RXFP1: variants seen among roughly 807,000 people sequenced by gnomAD.
RXFP1 encodes the protein relaxin family peptide receptor 1.
Under a neutral mutation model 89.8 loss-of-function variants are expected in RXFP1, and 73 were observed. That is an observed-to-expected ratio of 0.81 (90% confidence interval 0.67 to 0.99). The LOEUF (loss-of-function observed/expected upper bound fraction) is 0.99. Among genes scored for constraint, RXFP1 ranks in the 50% least tolerant of loss-of-function variants. The pLI, the probability that RXFP1 is intolerant of heterozygous loss-of-function variation, is 0.00. For synonymous variants in RXFP1, 277 were observed against 305.5 expected (o/e 0.91, Z 0.97); for missense variants, 793 against 895.5 (o/e 0.89, Z 1.46).
At chr4:158,584,453 G>A (rs556925627) in intron 2 of RXFP1, among the ~76,000 whole-genome samples, 1 of 151,778 alleles carries the variant, frequency 6.6e-6, no homozygotes, top group Non-Finnish European at 1.5e-5. Flanking sequence ...AAAAAGAAAG[G>A]CTCCACTTTG....
intron 2 of RXFP1, among the ~76,000 whole-genome samples, chr4:158,590,257 C>G (rs971586083): frequency 6.6e-6 from 1 of 152,094 alleles, no homozygotes; most frequent in African/African-American, 2.4e-5. Context: ...CTCTGCCCCA[C>G]AAGTTCAAGC....
At chr4:158,549,060 C>T (rs1233040601) in intron 1 of RXFP1, among the ~76,000 whole-genome samples, 3 of 151,802 alleles carry the variant, frequency 2.0e-5, no homozygotes, top group Admixed American at 6.6e-5. Flanking sequence ...CAACTTGGTT[C>T]CATTCTCCCC....
intron 8 of RXFP1, among the ~76,000 whole-genome samples, chr4:158,615,485 G>T (rs528601639): frequency 6.6e-6 from 1 of 151,652 alleles, no homozygotes; most frequent in Non-Finnish European, 1.5e-5. Context: ...GCAGTGAGCC[G>T]AGATTGCACC....
At chr4:158,649,100 CA>C (rs11295815) in intron 17 of RXFP1, among the ~76,000 whole-genome samples, 134,290 of 149,530 alleles carry the variant, frequency 0.9, 61,852 homozygotes, top group East Asian at 1. Flanking sequence ...GTGACAGAGC[CA>C]AAAAAAAAAA....
rs147254379 is a variant in RXFP1 at position 158,598,880 on chromosome 4, T to A, written c.287-446T>A. On this transcript the variant is annotated intron_variant, in intron 3 of 17. Transcript: ENST00000307765. ...CTTTAGTTCTCCTCGTTCTTGCTAG[T>A]TAAAAGTGATTTATTCCTCCTTTAA... 2.5e-3 allele frequency among the ~76,000 whole-genome samples: 377 copies of A among 152,134 alleles called. 4 individuals carry two copies. The highest frequency in any genetic ancestry group is 8.3e-3 in the African/African-American group (345 of 41,530).
At chr4:158,568,189 T>C (rs1007399539) in intron 1 of RXFP1, among the ~76,000 whole-genome samples, 1 of 152,188 alleles carries the variant, frequency 6.6e-6, no homozygotes, top group African/African-American at 2.4e-5. Context: ...ATCAGAACTC[T>C]AGACTCGCTG....
intron 2 of RXFP1, among the ~76,000 whole-genome samples, chr4:158,576,604 G>A (rs936665509): frequency 8.5e-5 from 13 of 152,078 alleles, no homozygotes; most frequent in African/African-American, 3.1e-4. Flanking sequence ...ATGCAAAATG[G>A]TAGCAACAGC....
At chr4:158,633,533 G>A in intron 12 of RXFP1, 57 bp downstream of exon 12, 2 of 1,092,384 alleles carry the variant, frequency 1.8e-6, no homozygotes, top group Non-Finnish European at 2.7e-6. Flanking sequence ...TTTTTAAATT[G>A]TAAAATATGC....
At chr4:158,568,815 G>A (rs1247476495) in intron 1 of RXFP1, among the ~76,000 whole-genome samples, 1 of 152,158 alleles carries the variant, frequency 6.6e-6, no homozygotes, top group Non-Finnish European at 1.5e-5. Context: ...CTGTTATTAA[G>A]AAGTCCCGCT....
chr4:158,651,099 G>A (rs1377115853), intron 17 of RXFP1, among the ~76,000 whole-genome samples: 1 of 152,180 alleles, frequency 6.6e-6, no homozygotes, highest in East Asian at 1.9e-4. Context: ...ACTCCAGCCT[G>A]AGCGACAGCA....
chr4:158,626,843 A>T lies in RXFP1; in HGVS notation c.779A>T (p.His260Leu), dbSNP rs768536312. 5 of 1,568,486 alleles carry T rather than the reference A, an allele frequency of 3.2e-6. No homozygotes were observed. The highest frequency in any genetic ancestry group is 3.6e-5 in the Admixed American group (2 of 55,992). Residue 260 changes from histidine (H) to leucine (L), a missense_variant, in exon 10 of 18, where the codon CAT (histidine) becomes CTT (leucine). Transcript: ENST00000307765. Reference sequence around the variant, plus strand: ...AGGGACCTTGAAGGCAACCATATCCATAATTTAAGAAATTTGACTTTTATT... The same window carrying T: ...AGGGACCTTGAAGGCAACCATATCCTTAATTTAAGAAATTTGACTTTTATT... ...HWLDLEGNHI[H>L]NLRNLTFISC... is the part of the protein sequence containing the mutation.
At chr4:158,615,856 A>G (rs1764462206) in intron 8 of RXFP1, among the ~76,000 whole-genome samples, 1 of 151,594 alleles carries the variant, frequency 6.6e-6, no homozygotes, top group South Asian at 2.1e-4. Context: ...GGGGGCTGAG[A>G]CAGGAGAATC....
intron 9 of RXFP1, among the ~76,000 whole-genome samples, chr4:158,626,575 G>A (rs1404392240): frequency 1.3e-5 from 2 of 151,864 alleles, no homozygotes; most frequent in African/African-American, 2.4e-5. Context: ...TCATATACAT[G>A]CCCGTATGCA....
intron 1 of RXFP1, among the ~76,000 whole-genome samples, chr4:158,559,543 A>G (rs1752003071): frequency 1.3e-5 from 2 of 152,148 alleles, no homozygotes; most frequent in Non-Finnish European, 2.9e-5. Context: ...TTTTTCCCCT[A>G]TACCAGGAAT....
intron 2 of RXFP1, among the ~76,000 whole-genome samples, chr4:158,585,725 T>C (rs953289391): frequency 1.3e-5 from 2 of 152,008 alleles, no homozygotes; most frequent in Non-Finnish European, 2.9e-5. Context: ...TATACAAAAA[T>C]ACATAGGTAA....
Position 158,614,053 on chromosome 4 carries a change from T to C in RXFP1, c.680+1691T>C, listed in dbSNP as rs547409463. On this transcript the variant is annotated intron_variant, in intron 8 of 17. Coordinates refer to ENST00000307765, the MANE Select transcript of RXFP1 (RefSeq NM_021634.4). ...TGCATTGCCAGTGAGCAGTGTATCTTGAAAGGAAATCTTTTTTTTCTGAGC... is the reference window on the plus strand; with the variant it reads ...TGCATTGCCAGTGAGCAGTGTATCTCGAAAGGAAATCTTTTTTTTCTGAGC... 8.5e-5 allele frequency among the ~76,000 whole-genome samples: 13 copies of C among 152,328 alleles called. No individual in the cohort carries two copies. The South Asian group carries it at 2.7e-3, about 32-fold the overall frequency.
intron 17 of RXFP1, 62 bp from the exon 18 acceptor site, chr4:158,651,695 T>C: frequency 7.6e-7 from 1 of 1,309,598 alleles, no homozygotes; most frequent in Non-Finnish European, 1.0e-6. Flanking sequence ...AACAGGGAAA[T>C]TGGGTTTCTA....
chr4:158,621,248 G>A (rs898316585), intron 9 of RXFP1, among the ~76,000 whole-genome samples: 2 of 152,110 alleles, frequency 1.3e-5, no homozygotes, highest in Admixed American at 6.5e-5. Flanking sequence ...AGAGATCAAG[G>A]CTTAAATGAG....
At chr4:158,646,332 A>G in intron 15 of RXFP1, 1 of 478,282 alleles carries the variant, frequency 2.1e-6, no homozygotes, top group Non-Finnish European at 4.0e-6. Context: ...ATTCTATCAT[A>G]GGAACTTGTG....
Sources: allele counts gnomAD v4.1 joint callset (sites outside exome capture counted in the v4.1 genomes callset), GRCh38; gene constraint gnomAD v4.1.1; transcripts MANE v1.5; gene names NCBI Gene and HGNC (gene_info 2026-07-23, HGNC 2026-07-21).